Variants in EHHADH observed in about 807,000 individuals in gnomAD.
The protein encoded by EHHADH is peroxisomal bifunctional enzyme.
In EHHADH, 48 loss-of-function variants were observed where a neutral mutation model predicts 64.4. The ratio of observed to expected loss-of-function variants is 0.75; its 90% CI spans 0.59 to 0.95. The LOEUF (loss-of-function observed/expected upper bound fraction) is 0.95. EHHADH is among the 40% of genes least tolerant of loss of function. The pLI is 0.00. For synonymous variants in EHHADH, 308 were observed against 326.7 expected, an observed-to-expected ratio of 0.94 and a Z score of 0.62; for missense variants, 854 against 876.6, an observed-to-expected ratio of 0.97 and a Z score of 0.33.
At chr3:185,205,229 G>A (rs1718355555) in intron 5 of EHHADH, among the ~76,000 whole-genome samples, 1 of 152,036 alleles carries the variant, frequency 6.6e-6, no homozygotes, top group South Asian at 2.1e-4. Flanking sequence ...TGTTACATGG[G>A]TATATCACAC....
At chr3:185,197,660 T>C (rs533337193) in intron 6 of EHHADH, among the ~76,000 whole-genome samples, 18 of 152,370 alleles carry the variant, frequency 1.2e-4, no homozygotes, top group Admixed American at 4.6e-4. Flanking sequence ...TATTCCATTG[T>C]ATGTATATAC....
At chr3:185,239,135 T>G (rs1208266762) in intron 2 of EHHADH, among the ~76,000 whole-genome samples, 1 of 152,180 alleles carries the variant, frequency 6.6e-6, no homozygotes, top group African/African-American at 2.4e-5. Flanking sequence ...TCTGTTCCAC[T>G]GGTCTATGTG....
chr3:185,233,790 C>T lies in EHHADH; in HGVS notation c.351+1500G>A, dbSNP rs564106488. On this transcript the variant is annotated intron_variant, in intron 3 of 6. Coordinates refer to ENST00000231887, the MANE Select transcript of EHHADH (RefSeq NM_001966.4). ...CCTCCCGAGTAGCTGGGATTACAGG[C>T]GCCTGCCAGCATGCCCAGCTAATTT... 5.9e-5 allele frequency among the ~76,000 whole-genome samples: 9 copies of T among 152,178 alleles called. No homozygotes were observed. In the East Asian group the frequency reaches 7.7e-4, roughly 13 times the overall value.
chr3:185,213,880 CAAA>C (rs58869131), intron 5 of EHHADH, among the ~76,000 whole-genome samples: 1 of 70,806 alleles, frequency 1.4e-5, no homozygotes, highest in Non-Finnish European at 2.9e-5. Context: ...AACTCCGTCT[CAAA>C]AAAAAAAAAA....
At chr3:185,221,388 T>G (rs967291111) in intron 4 of EHHADH, among the ~76,000 whole-genome samples, 1 of 152,150 alleles carries the variant, frequency 6.6e-6, no homozygotes, top group Non-Finnish European at 1.5e-5. Flanking sequence ...CTTAAAATAG[T>G]TCACATTCTT....
chr3:185,200,939 G>A (rs1718205141), intron 6 of EHHADH, among the ~76,000 whole-genome samples: 1 of 152,190 alleles, frequency 6.6e-6, no homozygotes. Flanking sequence ...GAATCATGGA[G>A]TTTGGAGACT....
At chr3:185,229,667 T>C in intron 3 of EHHADH, 124 bp from the exon 4 acceptor site, 1 of 510,080 alleles carries the variant, frequency 2.0e-6, no homozygotes, top group South Asian at 5.9e-5. Flanking sequence ...GCAAGATTTC[T>C]ACAGGGCAAA....
chr3:185,228,233 C>CAAAAAAAAAA (rs559959272), intron 4 of EHHADH, among the ~76,000 whole-genome samples: 1 of 12,688 alleles, frequency 7.9e-5, no homozygotes, highest in African/African-American at 1.5e-4. Context: ...GACTCCGTCT[C>CAAAAAAAAAA]AAAAAAAAAA....
intron 5 of EHHADH, among the ~76,000 whole-genome samples, chr3:185,210,702 A>G (rs1718518642): frequency 6.6e-6 from 1 of 152,028 alleles, no homozygotes; most frequent in East Asian, 1.9e-4. Context: ...AAAGTTCAGA[A>G]GCTGATTTTA....
rs1577349426 is a variant in EHHADH, at chr3:185,190,868, T to C, written c.*1358A>G. 6.6e-6 allele frequency: 1 copy of C among 152,328 alleles called. No individual in the cohort carries two copies. Among genetic ancestry groups the C allele is most frequent in the East Asian group, 1.9e-4 (1 of 5,190 alleles). 9.4% of individuals were successfully genotyped at this position (152,328 alleles called of 1,614,324 possible). ...CAGGTGAAAATATTGTGAAAGTTCATTTACACCACAATGAAGGATAACATC... is the reference window on the plus strand; with the variant it reads ...CAGGTGAAAATATTGTGAAAGTTCACTTACACCACAATGAAGGATAACATC... On this transcript the variant is annotated 3_prime_UTR_variant, in exon 7 of 7. Transcript: ENST00000231887.
At chr3:185,241,832 T>C (rs1260841977) in intron 2 of EHHADH, among the ~76,000 whole-genome samples, 1 of 152,244 alleles carries the variant, frequency 6.6e-6, no homozygotes, top group Non-Finnish European at 1.5e-5. Flanking sequence ...TTTGTTTTTA[T>C]TGCATTTGCT....
At chr3:185,248,907 T>C (rs1442770162) in intron 1 of EHHADH, among the ~76,000 whole-genome samples, 1 of 152,196 alleles carries the variant, frequency 6.6e-6, no homozygotes, top group Non-Finnish European at 1.5e-5. Context: ...CACACTAAGA[T>C]ATCTGAGTGC....
intron 4 of EHHADH, among the ~76,000 whole-genome samples, chr3:185,225,742 C>T (rs2108641893): frequency 6.6e-6 from 1 of 152,274 alleles, no homozygotes; most frequent in South Asian, 2.1e-4. Flanking sequence ...GTTACATTGA[C>T]CTTCTTGCTG....
chr3:185,205,164 T>C lies in EHHADH; in HGVS notation c.569-407A>G, dbSNP rs569629657. Among the ~76,000 whole-genome samples, 321 of 152,082 alleles carry C rather than the reference T, an allele frequency of 2.1e-3. 1 individual carries two copies. In the South Asian group the frequency reaches 0.029, roughly 14 times the overall value. On this transcript the variant is annotated intron_variant, in intron 5 of 6. Transcript: ENST00000231887. Reference sequence around the variant, plus strand: ...TCTGAGTTAATATTTTATTTATTAATTTTTAAAAATTATTTCAGCTTTTAT... The same window carrying C: ...TCTGAGTTAATATTTTATTTATTAACTTTTAAAAATTATTTCAGCTTTTAT...
At position 185,250,711 on chromosome 3, in the gene EHHADH, A is replaced by T. The variant is rs371159210; in HGVS notation, c.75-2194T>A. Among the ~76,000 whole-genome samples the T allele has an allele frequency of 5.7e-4, 86 of 151,064 alleles. No homozygotes were observed. In the South Asian group the frequency reaches 0.017, roughly 30 times the overall value. ...AGGATACTTGCCCTTATTTATAATG[A>T]TTCCCTTACACCTAATTACTTTTCA... On this transcript the variant is annotated intron_variant, in intron 1 of 6. Transcript: ENST00000231887.
intron 5 of EHHADH, among the ~76,000 whole-genome samples, chr3:185,213,022 A>C (rs1227965037): frequency 1.4e-5 from 2 of 145,724 alleles, no homozygotes; most frequent in Non-Finnish European, 3.0e-5. Context: ...TGGGAGGCTG[A>C]GGCAGGAGAA....
At chr3:185,226,868 A>G (rs567232966) in intron 4 of EHHADH, 1 of 150,724 alleles carries the variant, frequency 6.6e-6, no homozygotes, top group East Asian at 1.9e-4. Context: ...GCTGTGGGGA[A>G]AAGGACATTT....
Position 185,212,977 on chromosome 3 carries a change from G to A in EHHADH, c.568+5159C>T, listed in dbSNP as rs986414511. Among the ~76,000 whole-genome samples, 7 of 151,662 alleles carry A rather than the reference G, an allele frequency of 4.6e-5. No individual in the cohort carries two copies. The South Asian group carries it at 6.3e-4, about 14-fold the overall frequency. The stretch of plus-strand genomic sequence containing the variant: ...TCTACTAAAAACACAAAAATTAGCC[G>A]GGTGTGCTGCCTTGTGCCTGTAATC... On this transcript the variant is annotated intron_variant, in intron 5 of 6. Coordinates refer to ENST00000231887, the MANE Select transcript of EHHADH (RefSeq NM_001966.4).
At position 185,192,651 on chromosome 3, in the gene EHHADH, C is replaced by T. The variant is rs912398236; in HGVS notation, c.1747G>A (p.Asp583Asn). The change falls in exon 7 of 7, where the codon GAC (aspartate) becomes AAC (asparagine). Residue 583 changes from aspartate to asparagine, a missense_variant. Asp to Asn is a conservative substitution (Grantham distance 23). Transcript: ENST00000231887. The stretch of plus-strand genomic sequence containing the variant: ...TTGTGAATCCTACCCAATGGCTTGT[C>T]ATATTGATACCAACCCTTACCTGTC... The part of the protein sequence containing the change: ...QKTGKGWYQY[D>N]KPLGRIHKPD... The T allele has an allele frequency of 6.2e-7, 1 of 1,614,178 alleles. No homozygotes were observed. The highest frequency in any genetic ancestry group is 8.5e-7 in the Non-Finnish European group (1 of 1,180,034).
Sources: gnomAD v4.1 joint callset for allele counts (sites outside exome capture counted in the v4.1 genomes callset) on GRCh38, gnomAD v4.1.1 for gene constraint, MANE v1.5 for transcripts, NCBI Gene and HGNC (gene_info 2026-07-23, HGNC 2026-07-21) for gene names.